Variants in DENND2C observed in about 807,000 individuals in gnomAD.
DENND2C encodes DENN domain containing 2C.
DENND2C carries 72 observed loss-of-function variants against 112.4 expected under a neutral mutation model. The ratio of observed to expected loss-of-function variants is 0.64; its 90% CI spans 0.53 to 0.78. The LOEUF is 0.78. DENND2C is among the 30% of genes least tolerant of loss of function. The probability of loss-of-function intolerance (pLI) is 0.00; values close to 1 mark genes in which losing one functional copy is unlikely to be tolerated. For missense variants in DENND2C, 992 were observed against 1,113.8 expected, an observed-to-expected ratio of 0.89 and a Z score of 1.56; for synonymous variants, 329 against 381.6, an observed-to-expected ratio of 0.86 and a Z score of 1.61.
chr1:114,622,708 C>T (rs958806382), intron 6 of DENND2C, among the ~76,000 whole-genome samples: 1 of 150,264 alleles, frequency 6.7e-6, no homozygotes, highest in African/African-American at 2.5e-5. Flanking sequence ...TTGATGTAGA[C>T]TAATAGGGGG....
At chr1:114,650,637 G>A (rs1426091685) in intron 2 of DENND2C, among the ~76,000 whole-genome samples, 1 of 127,486 alleles carries the variant, frequency 7.8e-6, no homozygotes, top group African/African-American at 3.0e-5. Context: ...TTGCGCCACT[G>A]CACTCCAGCC....
rs1301176162 is a variant in DENND2C, at chr1:114,582,870, A to G, written c.*2730T>C. The G allele has an allele frequency of 6.6e-6, 1 of 152,244 alleles. No individual in the cohort carries two copies. The highest frequency in any genetic ancestry group is 1.5e-5 in the Non-Finnish European group (1 of 68,038). The allele number at this position is 152,244 out of a possible 1,614,324, so 9.4% of individuals were successfully genotyped here. ...GGATCTGTGGGGGGTTTATGTATTTATTCATTAAAAGATCTGTAAACAACA... is the reference window on the plus strand; with the variant it reads ...GGATCTGTGGGGGGTTTATGTATTTGTTCATTAAAAGATCTGTAAACAACA... On this transcript the variant is annotated 3_prime_UTR_variant, in exon 21 of 21. Transcript: ENST00000393274.
chr1:114,626,289 T>C (rs1383520309), intron 3 of DENND2C, 101 bp from the exon 4 acceptor site: 2 of 239,170 alleles, frequency 8.4e-6, no homozygotes, highest in Admixed American at 5.0e-5. Flanking sequence ...TTCATATACA[T>C]TGCATATGTA....
At position 114,626,066 on chromosome 1, in the gene DENND2C, C is replaced by G; in HGVS notation, c.-82G>C. ...AATGTGAAATATTGTATTCTTTATC[C>G]TGTCAGAATCCAAATGATTCCAGTA... On this transcript the variant is annotated 5_prime_UTR_variant, in exon 4 of 21. Coordinates refer to ENST00000393274, the MANE Select transcript of DENND2C (RefSeq NM_001256404.2). 1 of 1,326,870 alleles carries G rather than the reference C, an allele frequency of 7.5e-7. No homozygotes were observed. Among genetic ancestry groups the G allele is most frequent in the Non-Finnish European group, 1.0e-6 (1 of 972,352 alleles). 82.2% of individuals were successfully genotyped at this position (1,326,870 alleles called of 1,614,324 possible).
Position 114,594,494 on chromosome 1 carries a change from G to C in DENND2C, c.2410C>G (p.Gln804Glu), listed in dbSNP as rs374395558. ...ILEERNEILT[Q>E]EQNFSQDVTL... The stretch of plus-strand genomic sequence containing the variant: ...ATACCTTGTGAAAAATTCTGCTCCT[G>C]AGTCAAGATTTCATTTCGTTCTTCC... The change falls in exon 18 of 21, where the codon CAG becomes GAG. Residue 804 changes from glutamine (Q) to glutamate (E), a missense_variant. By Grantham distance (29) the Gln-to-Glu change is conservative (BLOSUM62 2). Transcript: ENST00000393274. 84 of 1,613,912 alleles carry C rather than the reference G, an allele frequency of 5.2e-5. No individual in the cohort carries two copies. The African/African-American group carries it at 8.7e-4, about 17-fold the overall frequency.
chr1:114,637,723 C>A (rs907341903), intron 3 of DENND2C, among the ~76,000 whole-genome samples: 1 of 152,032 alleles, frequency 6.6e-6, no homozygotes, highest in African/African-American at 2.4e-5. Flanking sequence ...CCATGTTGCC[C>A]AGGCTGGTCT....
rs778262876 is a variant in DENND2C, at chr1:114,625,339, T to C, written c.646A>G (p.Thr216Ala). The change falls in exon 4 of 21, where the codon ACA (threonine) becomes GCA (alanine). Residue 216 changes from threonine to alanine, a missense_variant. Physicochemically the swap from Thr to Ala is moderately conservative, Grantham distance 58. This residue lies in a region of DENND2C where 470 missense variants were observed against 472.7 expected (regional missense o/e 0.99). Transcript: ENST00000393274. ...CCAGATTCGGATAAATATCTGAATGTCCTACGAGGTTTTGGCAAAGGATTT... is the reference window on the plus strand; with the variant it reads ...CCAGATTCGGATAAATATCTGAATGCCCTACGAGGTTTTGGCAAAGGATTT... ...SINPLPKPRR[T>A]FRYLSESGVT... 15 of 1,614,166 alleles carry C rather than the reference T, an allele frequency of 9.3e-6. No individual in the cohort carries two copies. The highest frequency in any genetic ancestry group is 1.2e-5 in the Non-Finnish European group (14 of 1,180,008).
At chr1:114,628,306 C>G (rs61043488) in intron 3 of DENND2C, among the ~76,000 whole-genome samples, 2 of 141,382 alleles carry the variant, frequency 1.4e-5, no homozygotes, top group Non-Finnish European at 3.0e-5. Context: ...GGTGATGGAG[C>G]GAGACCCCAA....
intron 18 of DENND2C, among the ~76,000 whole-genome samples, chr1:114,592,462 A>C (rs374774205): frequency 1.3e-4 from 20 of 152,172 alleles, no homozygotes; most frequent in African/African-American, 4.8e-4. Flanking sequence ...TCACCCATGT[A>C]ATCCCACGGC....
chr1:114,587,296 C>T (rs568160756), intron 20 of DENND2C, 91 bp downstream of exon 20: 7 of 1,432,242 alleles, frequency 4.9e-6, no homozygotes, highest in Non-Finnish European at 6.9e-6. Flanking sequence ...AACCTCCTTA[C>T]TTGACCTCGC....
chr1:114,603,385 C>T (rs989978732), intron 11 of DENND2C, among the ~76,000 whole-genome samples: 1 of 151,862 alleles, frequency 6.6e-6, no homozygotes, highest in Non-Finnish European at 1.5e-5. Flanking sequence ...GTGATCCACC[C>T]GCCTTGGCCT....
chr1:114,618,859 T>G (rs769934778), intron 7 of DENND2C, among the ~76,000 whole-genome samples: 2 of 152,214 alleles, frequency 1.3e-5, no homozygotes, highest in Admixed American at 1.3e-4. Context: ...CACTCATTTA[T>G]CTGAAAGGCA....
At chr1:114,586,694 T>G (rs1031119730) in intron 20 of DENND2C, 1 of 150,794 alleles carries the variant, frequency 6.6e-6, no homozygotes, top group Non-Finnish European at 1.5e-5. Context: ...CATTTATTTT[T>G]TATTTTTATT....
At position 114,624,653 on chromosome 1, in the gene DENND2C, G is replaced by C. The variant is rs141240050; in HGVS notation, c.806+526C>G. Among the ~76,000 whole-genome samples the C allele has an allele frequency of 2.2e-5, 3 of 139,390 alleles. No individual in the cohort carries two copies. The Admixed American group carries it at 2.3e-4, about 11-fold the overall frequency. The allele number at this position is 139,390 out of a possible 152,430, so 91.4% of individuals were successfully genotyped here. Reference sequence around the variant, plus strand: ...TTTTTTTTTTTTGAGACTGAGTCTTGCTCTGTCAGCCAGGCTGAAGTGCAG... The same window carrying C: ...TTTTTTTTTTTTGAGACTGAGTCTTCCTCTGTCAGCCAGGCTGAAGTGCAG... On this transcript the variant is annotated intron_variant, in intron 4 of 20. Transcript: ENST00000393274.
At chr1:114,607,037 C>T (rs1165141053) in intron 10 of DENND2C, among the ~76,000 whole-genome samples, 3 of 152,206 alleles carry the variant, frequency 2.0e-5, no homozygotes, top group Non-Finnish European at 2.9e-5. Flanking sequence ...GATCCTAACC[C>T]TCCCAATGCC....
chr1:114,600,872 G>A lies in DENND2C; in HGVS notation c.1904C>T (p.Ala635Val). The A allele has an allele frequency of 1.9e-6, 3 of 1,614,100 alleles. No homozygotes were observed. Among genetic ancestry groups the A allele is most frequent in the African/African-American group, 2.7e-5 (2 of 75,042 alleles). The change falls in exon 14 of 21, where the codon GCT (alanine) becomes GTT (valine). Residue 635 changes from alanine (A) to valine (V), a missense_variant. By Grantham distance (64) the Ala-to-Val change is moderately conservative. This residue lies in a region of DENND2C where 516 missense variants were observed against 623.6 expected (regional missense o/e 0.83). Coordinates refer to ENST00000393274, the MANE Select transcript of DENND2C (RefSeq NM_001256404.2). ...MRSVMEAPFP[A>V]PGRTITVKSY... ...CTTAACTGTGATGGTGCGTCCAGGAGCTGGGAAAGGAGCTTCCATGACACT... is the reference window on the plus strand; with the variant it reads ...CTTAACTGTGATGGTGCGTCCAGGAACTGGGAAAGGAGCTTCCATGACACT...
rs1654983132 is a variant in DENND2C at position 114,584,294 on chromosome 1, T to TG, written c.*1305dup. ...TTTTCCTTTTTTCTTTTTTTTGAGA[T>TG]GGAGTCTCGCTCTGTCACCCTGGCT... On this transcript the variant is annotated 3_prime_UTR_variant, in exon 21 of 21. Coordinates refer to ENST00000393274, the MANE Select transcript of DENND2C (RefSeq NM_001256404.2). 1 of 152,246 alleles carries TG rather than the reference T, an allele frequency of 6.6e-6. No homozygotes were observed. Among genetic ancestry groups the TG allele is most frequent in the Non-Finnish European group, 1.5e-5 (1 of 68,142 alleles). The allele number at this position is 152,246 out of a possible 1,614,324, so 9.4% of individuals were successfully genotyped here.
intron 8 of DENND2C, among the ~76,000 whole-genome samples, chr1:114,617,464 C>A (rs907753516): frequency 6.6e-6 from 1 of 152,132 alleles, no homozygotes; most frequent in Admixed American, 6.6e-5. Flanking sequence ...GCACACGCCA[C>A]CACGCCCAGC....
chr1:114,659,310 G>C (rs1306516389), intron 1 of DENND2C, among the ~76,000 whole-genome samples: 1 of 152,078 alleles, frequency 6.6e-6, no homozygotes, highest in Non-Finnish European at 1.5e-5. Flanking sequence ...AGACCAGCCT[G>C]GTCAACACGG....
Sources: allele counts gnomAD v4.1 joint callset (sites outside exome capture counted in the v4.1 genomes callset), GRCh38; gene constraint gnomAD v4.1.1; regional missense constraint gnomAD v4.1.1; transcripts MANE v1.5; gene names NCBI Gene and HGNC (gene_info 2026-07-23, HGNC 2026-07-21).